The following PABPC4L variants were observed in gnomAD, a reference collection of about 807,000 sequenced individuals.
PABPC4L encodes poly(A) binding protein cytoplasmic 4 like, also known as polyadenylate-binding protein 4-like.
For missense variants in PABPC4L, 452 were observed against 451.4 expected, an observed-to-expected ratio of 1.00 and a Z score of -0.01; for synonymous variants, 169 against 164.1, an observed-to-expected ratio of 1.03 and a Z score of -0.23.
chr4:134,017,850 C>T, the PABPC4L span, among the ~76,000 whole-genome samples: 7 of 152,186 alleles, frequency 4.6e-5, no homozygotes, highest in East Asian at 3.9e-4. Context: ...CCCCTAATCC[C>T]GCTTGAAGCA....
At chr4:134,087,157 G>A in the PABPC4L span, among the ~76,000 whole-genome samples, 2 of 151,968 alleles carry the variant, frequency 1.3e-5, no homozygotes, top group African/African-American at 4.8e-5. Flanking sequence ...ATTATTCACA[G>A]TAGCAAAGAC....
the PABPC4L span, among the ~76,000 whole-genome samples, chr4:134,071,552 T>C: frequency 6.6e-6 from 1 of 152,300 alleles, no homozygotes; most frequent in Non-Finnish European, 1.5e-5. Flanking sequence ...CACACCACCC[T>C]ATGCCTTTTG....
At chr4:134,112,453 A>G in the PABPC4L span, among the ~76,000 whole-genome samples, 1 of 151,874 alleles carries the variant, frequency 6.6e-6, no homozygotes, top group Non-Finnish European at 1.5e-5. Context: ...TATATACAAC[A>G]ATCTATTGAC....
At chr4:134,051,240 G>A in the PABPC4L span, among the ~76,000 whole-genome samples, 1 of 152,164 alleles carries the variant, frequency 6.6e-6, no homozygotes, top group East Asian at 1.9e-4. Context: ...CAAAATGTCA[G>A]TGAAACTAAA....
chr4:134,072,843 A>G, the PABPC4L span, among the ~76,000 whole-genome samples: 2 of 152,110 alleles, frequency 1.3e-5, no homozygotes, highest in Non-Finnish European at 2.9e-5. Flanking sequence ...CAAGGGGGAA[A>G]TGGGCTCTTA....
chr4:134,030,297 G>C, the PABPC4L span, among the ~76,000 whole-genome samples: 1 of 152,042 alleles, frequency 6.6e-6, no homozygotes, highest in African/African-American at 2.4e-5. Context: ...ATGTGGGAAA[G>C]TTTGGAACTT....
the PABPC4L span, among the ~76,000 whole-genome samples, chr4:134,136,041 AAT>A: frequency 6.6e-6 from 1 of 152,152 alleles, no homozygotes; most frequent in Non-Finnish European, 1.5e-5. Flanking sequence ...ATAAAAGGGA[AAT>A]ATCAGATCGA....
chr4:134,089,431 G>C, the PABPC4L span, among the ~76,000 whole-genome samples: 3 of 151,940 alleles, frequency 2.0e-5, no homozygotes, highest in Non-Finnish European at 4.4e-5. Flanking sequence ...TTTACATTAG[G>C]ATTTACTATT....
downstream of PABPC4L, among the ~76,000 whole-genome samples, chr4:134,195,190 G>A (rs1461278607): frequency 1.3e-5 from 2 of 151,632 alleles, no homozygotes; most frequent in African/African-American, 4.8e-5. Context: ...TCTAAGATTT[G>A]CCTTGCATTC....
the PABPC4L span, among the ~76,000 whole-genome samples, chr4:134,133,924 A>T: frequency 2.3e-4 from 35 of 152,150 alleles, 2 homozygotes; most frequent in South Asian, 7.2e-3. Flanking sequence ...AAGGTTGTCA[A>T]ACTGATTTTT....
chr4:133,952,096 G>A, the PABPC4L span, among the ~76,000 whole-genome samples: 3 of 151,994 alleles, frequency 2.0e-5, no homozygotes, highest in African/African-American at 7.2e-5. Flanking sequence ...CTGATACCAC[G>A]GCCCTTCTTT....
the PABPC4L span, among the ~76,000 whole-genome samples, chr4:134,040,928 C>A: frequency 3.3e-5 from 5 of 152,114 alleles, no homozygotes; most frequent in African/African-American, 9.7e-5. Context: ...TGAACAGACA[C>A]TTCTCAAAAG....
chr4:134,009,515 AC>A, the PABPC4L span, among the ~76,000 whole-genome samples: 1 of 151,996 alleles, frequency 6.6e-6, no homozygotes, highest in African/African-American at 2.4e-5. Context: ...AATTCTGAAT[AC>A]CATTTCAATA....
chr4:133,980,969 C>T, the PABPC4L span, among the ~76,000 whole-genome samples: 1 of 151,934 alleles, frequency 6.6e-6, no homozygotes, highest in Non-Finnish European at 1.5e-5. Context: ...ACCAACCTGG[C>T]CAATATAATA....
chr4:133,963,661 T>C, the PABPC4L span, among the ~76,000 whole-genome samples: 1 of 151,986 alleles, frequency 6.6e-6, no homozygotes, highest in Non-Finnish European at 1.5e-5. Context: ...CACAGAGGAA[T>C]AAAACTGAAA....
chr4:134,071,960 G>A, the PABPC4L span, among the ~76,000 whole-genome samples: 2 of 152,096 alleles, frequency 1.3e-5, no homozygotes, highest in African/African-American at 4.8e-5. Flanking sequence ...AGATAAGAAT[G>A]TTGAATGGAC....
the PABPC4L span, among the ~76,000 whole-genome samples, chr4:134,005,786 T>A: frequency 6.6e-6 from 1 of 151,736 alleles, no homozygotes; most frequent in Admixed American, 6.6e-5. Flanking sequence ...CTGCTTTAGA[T>A]TGGGCTGTGA....
the PABPC4L span, among the ~76,000 whole-genome samples, chr4:134,110,535 A>G: frequency 1.3e-5 from 2 of 151,340 alleles, no homozygotes; most frequent in South Asian, 4.2e-4. Context: ...ATAACAGAAT[A>G]AAAAGTGTAT....
the PABPC4L span, among the ~76,000 whole-genome samples, chr4:134,015,284 C>G: frequency 6.6e-6 from 1 of 152,254 alleles, no homozygotes; most frequent in East Asian, 1.9e-4. Flanking sequence ...ACCAGAAAAG[C>G]CTTACAGGTT....
Sources: gnomAD v4.1 joint callset for allele counts (sites outside exome capture counted in the v4.1 genomes callset) on GRCh38, gnomAD v4.1.1 for gene constraint, MANE v1.5 for transcripts, NCBI Gene and HGNC (gene_info 2026-07-23, HGNC 2026-07-21) for gene names.